HEMK2: variants seen among roughly 807,000 people sequenced by gnomAD.
HEMK2 encodes methyltransferase HEMK2.
chr21:28,804,862 A>G, the HEMK2 span, among the ~76,000 whole-genome samples: 2 of 152,216 alleles, frequency 1.3e-5, no homozygotes, highest in South Asian at 2.1e-4. Context: ...ATTACACTAC[A>G]TACCCTATTC....
At chr21:28,654,528 A>T in the HEMK2 span, among the ~76,000 whole-genome samples, 1 of 152,158 alleles carries the variant, frequency 6.6e-6, no homozygotes, top group Non-Finnish European at 1.5e-5. Flanking sequence ...CAAGGAAAGC[A>T]TAAGAATTGT....
chr21:28,882,353 T>TA, the HEMK2 span: 6 of 796,560 alleles, frequency 7.5e-6, no homozygotes, highest in East Asian at 2.9e-5. Context: ...AGAACAGATT[T>TA]AGAAAAAAAA....
chr21:28,644,625 A>C, the HEMK2 span, among the ~76,000 whole-genome samples: 3 of 152,208 alleles, frequency 2.0e-5, no homozygotes, highest in African/African-American at 4.8e-5. Context: ...TGAGGAAATA[A>C]CAAAACAAAG....
chr21:28,723,796 A>C, the HEMK2 span, among the ~76,000 whole-genome samples: 1 of 152,342 alleles, frequency 6.6e-6, no homozygotes, highest in African/African-American at 2.4e-5. Context: ...ATTTTTTAAA[A>C]TTAGATGATA....
At chr21:28,630,727 A>C in the HEMK2 span, among the ~76,000 whole-genome samples, 1 of 143,822 alleles carries the variant, frequency 7.0e-6, no homozygotes, top group South Asian at 2.2e-4. Flanking sequence ...GGAATTGAAC[A>C]ATGAGAACAC....
chr21:28,839,010 T>TATATATATATACAC, the HEMK2 span, among the ~76,000 whole-genome samples: 1 of 72,294 alleles, frequency 1.4e-5, no homozygotes, highest in African/African-American at 7.4e-5. Flanking sequence ...TACATATATA[T>TATATATATATACAC]ACACAATCTG....
At chr21:28,706,457 T>A in the HEMK2 span, among the ~76,000 whole-genome samples, 1 of 152,174 alleles carries the variant, frequency 6.6e-6, no homozygotes, top group Non-Finnish European at 1.5e-5. Context: ...GTGTAAAATA[T>A]GGCCATGAGG....
the HEMK2 span, among the ~76,000 whole-genome samples, chr21:28,636,651 C>T: frequency 2.0e-5 from 3 of 152,208 alleles, no homozygotes; most frequent in Admixed American, 6.5e-5. Context: ...ACAAAACTCA[C>T]GAAAAGGAGT....
At chr21:28,728,491 T>C in the HEMK2 span, among the ~76,000 whole-genome samples, 1 of 112,472 alleles carries the variant, frequency 8.9e-6, no homozygotes, top group East Asian at 5.5e-4. Flanking sequence ...TCCATGAACA[T>C]GGAAGAACTC....
chr21:28,852,329 C>T, the HEMK2 span, among the ~76,000 whole-genome samples: 3 of 152,098 alleles, frequency 2.0e-5, no homozygotes, highest in Non-Finnish European at 2.9e-5. Flanking sequence ...ATTCTGGCAC[C>T]GGGGAAGTGA....
the HEMK2 span, among the ~76,000 whole-genome samples, chr21:28,702,153 T>G: frequency 2.0e-5 from 3 of 152,284 alleles, no homozygotes; most frequent in South Asian, 6.2e-4. Context: ...ACTGGACCCC[T>G]GCCTATTACC....
the HEMK2 span, among the ~76,000 whole-genome samples, chr21:28,661,772 C>A: frequency 6.6e-6 from 1 of 152,050 alleles, no homozygotes; most frequent in Non-Finnish European, 1.5e-5. Context: ...AGCCAGTAGC[C>A]ACGTGTGGCT....
chr21:28,774,981 A>G, the HEMK2 span, among the ~76,000 whole-genome samples: 1 of 152,248 alleles, frequency 6.6e-6, no homozygotes, highest in East Asian at 1.9e-4. Flanking sequence ...GTGGAAACTA[A>G]TACATTCCAG....
chr21:28,863,509 C>A, the HEMK2 span, among the ~76,000 whole-genome samples: 1 of 123,802 alleles, frequency 8.1e-6, no homozygotes, highest in African/African-American at 3.0e-5. Context: ...GCTAATAAAC[C>A]AAGGTTCCGT....
chr21:28,779,816 G>A, the HEMK2 span, among the ~76,000 whole-genome samples: 4,035 of 152,194 alleles, frequency 0.027, 90 homozygotes, highest in Middle Eastern at 0.099. Flanking sequence ...ATACTCACCT[G>A]AGACTTAGCT....
the HEMK2 span, among the ~76,000 whole-genome samples, chr21:28,584,047 T>C: frequency 2.0e-5 from 3 of 152,182 alleles, no homozygotes; most frequent in East Asian, 5.8e-4. Context: ...CCTAAACAAA[T>C]ATATCACAGC....
At chr21:28,687,317 C>T in the HEMK2 span, among the ~76,000 whole-genome samples, 2 of 152,186 alleles carry the variant, frequency 1.3e-5, no homozygotes, top group East Asian at 3.8e-4. Context: ...AGGGCACCCA[C>T]CTTGGACACA....
the HEMK2 span, among the ~76,000 whole-genome samples, chr21:28,852,101 G>A: frequency 2.0e-5 from 3 of 152,190 alleles, no homozygotes; most frequent in East Asian, 1.9e-4. Context: ...ATGTGGTGGC[G>A]ATCACCATCC....
chr21:28,778,343 A>C, the HEMK2 span, among the ~76,000 whole-genome samples: 37 of 152,276 alleles, frequency 2.4e-4, 1 homozygote, highest in African/African-American at 7.5e-4. Flanking sequence ...TGGATGTGTC[A>C]TGGTTTAACT....
Sources: gnomAD v4.1 joint callset for allele counts (sites outside exome capture counted in the v4.1 genomes callset) on GRCh38, gnomAD v4.1.1 for gene constraint, MANE v1.5 for transcripts, NCBI Gene and HGNC (gene_info 2026-07-23, HGNC 2026-07-21) for gene names.